The following CIC variants were observed in gnomAD, a reference collection of about 807,000 sequenced individuals.
CIC encodes the protein protein capicua homolog.
Under a neutral mutation model 115.7 loss-of-function variants are expected in CIC, and 18 were observed. The observed-to-expected ratio is 0.16, with a 90% CI of 0.11 to 0.23. The LOEUF is 0.23. Among genes scored for constraint, CIC ranks in the 10% least tolerant of loss-of-function variants. The probability of loss-of-function intolerance (pLI) is 1.00; values close to 1 mark genes in which losing one functional copy is unlikely to be tolerated. For synonymous variants in CIC, 1,076 were observed against 923.0 expected, an observed-to-expected ratio of 1.17 and a Z score of -3.01; for missense variants, 2,000 against 2,159.3, an observed-to-expected ratio of 0.93 and a Z score of 1.46.
chr19:42,289,903 C>G lies in CIC; in HGVS notation c.4143C>G (p.Thr1381=), dbSNP rs201788031. 7.5e-6 allele frequency: 12 copies of G among 1,610,276 alleles called. No individual in the cohort carries two copies. Among genetic ancestry groups the G allele is most frequent in the Non-Finnish European group, 1.0e-5 (12 of 1,178,552 alleles). The change falls in exon 10 of 21, where the codon ACC becomes ACG. Residue 1381 remains threonine, a synonymous_variant. Transcript: ENST00000681038. The stretch of plus-strand genomic sequence containing the variant: ...ATCTCAAGTGCAAGGAGCGGGTGAC[C>G]GACAGCGAGAGTGGGGACAGCTCTG... ...DIDLKCKERV[T]DSESGDSSGE...
chr19:42,295,188 G>A lies in CIC; in HGVS notation c.7551G>A (p.Arg2517=), dbSNP rs1215048305. ...PPGPSTAATG[R] ...GTCCCTCCACAGCTGCCACAGGCAG[G>A]TGAGGGACCCCTGAGAAGATGCCAG... The change falls in exon 21 of 21, where the codon AGG becomes AGA. Residue 2517 remains arginine (R), a synonymous_variant. Transcript: ENST00000681038. 1 of 1,508,654 alleles carries A rather than the reference G, an allele frequency of 6.6e-7. No individual in the cohort carries two copies. The highest frequency in any genetic ancestry group is 8.9e-7 in the Non-Finnish European group (1 of 1,128,570). 93.5% of individuals were successfully genotyped at this position (1,508,654 alleles called of 1,614,324 possible).
chr19:42,286,756 G>A lies in CIC; in HGVS notation c.2795-15G>A, dbSNP rs2037678287. On this transcript the variant is annotated splice_polypyrimidine_tract_variant and intron_variant, in intron 2 of 20. Transcript: ENST00000681038. ...GGCTCTCCTGCTGCACAGCTCACCT[G>A]GCTCCTTTCCACAGTGTGGACGAAT... 1 of 1,613,746 alleles carries A rather than the reference G, an allele frequency of 6.2e-7. No homozygotes were observed. The highest frequency in any genetic ancestry group is 1.3e-5 in the African/African-American group (1 of 74,866).
In CIC at chr19:42,294,722, C is replaced by T. The variant is rs2147351400; in HGVS notation, c.7173C>T (p.Gly2391=). The T allele has an allele frequency of 6.2e-7, 1 of 1,613,538 alleles. No individual in the cohort carries two copies. Among genetic ancestry groups the T allele is most frequent in the Non-Finnish European group, 8.5e-7 (1 of 1,180,020 alleles). ...TCATGCAGCTCTTTCAGGACCATGGCTTCTTCCCGTCAGGTGAGCCTGTCT... is the reference window on the plus strand; with the variant it reads ...TCATGCAGCTCTTTCAGGACCATGGTTTCTTCCCGTCAGGTGAGCCTGTCT... ...ALVMQLFQDH[G]FFPSAQATAA... is the part of the protein sequence containing the mutation. The change falls in exon 20 of 21, where the codon GGC becomes GGT. Residue 2391 remains glycine (G), a synonymous_variant. Transcript: ENST00000681038.
At position 42,289,391 on chromosome 19, in the gene CIC, G is replaced by A; in HGVS notation, c.4072G>A (p.Asp1358Asn). The A allele has an allele frequency of 6.3e-7, 1 of 1,591,000 alleles. No individual in the cohort carries two copies. Among genetic ancestry groups the A allele is most frequent in the Non-Finnish European group, 8.6e-7 (1 of 1,168,544 alleles). The change falls in exon 9 of 21, where the codon GAT (aspartate) becomes AAT (asparagine). Residue 1358 changes from aspartate (D) to asparagine (N), a missense_variant. Physicochemically the swap from Asp to Asn is conservative, Grantham distance 23. Around this residue, in one of 8 missense-constraint regions of CIC, gnomAD observed 1,466 missense variants for 1,390.4 expected, o/e 1.05. Coordinates refer to ENST00000681038, the MANE Select transcript of CIC (RefSeq NM_001386298.1). ...ERMVICEEEG[D>N]DDVIADDGFG... ...CATGGTCATCTGTGAGGAGGAAGGG[G>A]ATGATGATGTCATTGGTGAGCATTG... is the stretch of plus-strand genomic sequence containing the variant.
Position 42,272,805 on chromosome 19 carries a change from C to T in CIC, c.1022C>T (p.Pro341Leu). ...VARSSLRLLR[P>L]PWEPETMLRK... The stretch of plus-strand genomic sequence containing the variant: ...CGCTCCAGCCTACGCCTGCTGCGCC[C>T]CCCCTGGGAACCTGAGACCATGCTG... Residue 341 changes from proline to leucine, a missense_variant, in exon 2 of 21, where the codon CCC becomes CTC. By Grantham distance (98) the Pro-to-Leu change is moderately conservative. This residue lies in a region of CIC where 222 missense variants were observed against 247.7 expected (regional missense o/e 0.90). Transcript: ENST00000681038. 5.0e-6 allele frequency: 2 copies of T among 398,938 alleles called. No homozygotes were observed. Among genetic ancestry groups the T allele is most frequent in the Non-Finnish European group, 8.8e-6 (2 of 226,330 alleles). 24.7% of individuals were successfully genotyped at this position (398,938 alleles called of 1,614,324 possible).
In CIC at chr19:42,295,549, G is replaced by C. The variant is rs1361476802; in HGVS notation, c.*358G>C. ...CGCCTGTGGAATAGGGGGAGTTCAT[G>C]CACCCCTTTTTTCCCCAGAGGGGCT... is the stretch of plus-strand genomic sequence containing the variant. On this transcript the variant is annotated 3_prime_UTR_variant, in exon 21 of 21. Coordinates refer to ENST00000681038, the MANE Select transcript of CIC (RefSeq NM_001386298.1). 1 of 269,662 alleles carries C rather than the reference G, an allele frequency of 3.7e-6. No homozygotes were observed. The highest frequency in any genetic ancestry group is 7.1e-6 in the Non-Finnish European group (1 of 141,396). 16.7% of individuals were successfully genotyped at this position (269,662 alleles called of 1,614,324 possible).
At chr19:42,277,654 G>A (rs2037037422) in intron 2 of CIC, among the ~76,000 whole-genome samples, 1 of 152,240 alleles carries the variant, frequency 6.6e-6, no homozygotes, top group South Asian at 2.1e-4. Context: ...GCCTAACCCC[G>A]GGCTTGGGGC....
In CIC at chr19:42,290,831, C is replaced by T. The variant is rs2038038804; in HGVS notation, c.4790C>T (p.Ser1597Phe). The T allele has an allele frequency of 6.2e-7, 1 of 1,609,608 alleles. No individual in the cohort carries two copies. Among genetic ancestry groups the T allele is most frequent in the Non-Finnish European group, 8.5e-7 (1 of 1,178,282 alleles). ...PVSSTPVPIA[S>F]KPFPTSGRAE... ...AGCAGCACTCCTGTGCCCATCGCCT[C>T]TAAGCCCTTCCCCACCTCTGGCCGG... The change falls in exon 11 of 21, where the codon TCT becomes TTT. Residue 1597 changes from serine to phenylalanine, a missense_variant. Ser to Phe is a radical substitution (Grantham distance 155). Around this residue, in one of 8 missense-constraint regions of CIC, gnomAD observed 1,466 missense variants for 1,390.4 expected, o/e 1.05. Transcript: ENST00000681038.
intron 9 of CIC, 99 bp from the exon 10 acceptor site, chr19:42,289,749 G>C (rs192214474): frequency 9.1e-7 from 1 of 1,096,958 alleles, no homozygotes; most frequent in African/African-American, 1.6e-5. Flanking sequence ...AGCACTCCCT[G>C]CCGGTTTGGA....
intron 2 of CIC, among the ~76,000 whole-genome samples, chr19:42,281,768 C>T (rs1389339163): frequency 1.3e-5 from 2 of 151,678 alleles, no homozygotes; most frequent in African/African-American, 2.4e-5. Context: ...CTTGGTTGTA[C>T]CCTGCCCCGG....
chr19:42,289,716 G>C, intron 9 of CIC, 132 bp from the exon 10 acceptor site: 1 of 843,214 alleles, frequency 1.2e-6, no homozygotes. Context: ...ACAGCCCTGG[G>C]CTGAGGAGTA....
Position 42,291,456 on chromosome 19 carries a change from AC to A in CIC, c.5421del (p.Ala1809ProfsTer24). ...TCCTGCAGTCTGTACCCTCCGCCCC[AC>A]CCCCCAAAGGTGAGACCTGGGCCGG... Reference protein sequence around the residue: ...PILQSVPSAPPPKAQSVSPVQ... With the variant: ...PILQSVPSAPXPKAQSVSPVQ... On this transcript the variant is annotated frameshift_variant, in exon 11 of 21. Coordinates refer to ENST00000681038, the MANE Select transcript of CIC (RefSeq NM_001386298.1). LOFTEE classifies it high-confidence loss of function. 6.2e-7 allele frequency: 1 copy of A among 1,611,966 alleles called. No homozygotes were observed.
chr19:42,294,457 C>G, intron 19 of CIC, 147 bp from the exon 20 acceptor site: 1 of 1,535,420 alleles, frequency 6.5e-7, no homozygotes, highest in Non-Finnish European at 8.9e-7. Flanking sequence ...CTGGCAGGCC[C>G]CTAGGTTGCC....
chr19:42,290,824 A>G lies in CIC; in HGVS notation c.4783A>G (p.Ile1595Val), dbSNP rs1162312511. ...GCCTGTCAGCAGCACTCCTGTGCCC[A>G]TCGCCTCTAAGCCCTTCCCCACCTC... ...VRPVSSTPVP[I>V]ASKPFPTSGR... Residue 1595 changes from isoleucine to valine, a missense_variant, in exon 11 of 21, where the codon ATC (isoleucine) becomes GTC (valine). Physicochemically the swap from Ile to Val is conservative, Grantham distance 29. Transcript: ENST00000681038. 3 of 1,608,972 alleles carry G rather than the reference A, an allele frequency of 1.9e-6. No homozygotes were observed. The highest frequency in any genetic ancestry group is 1.7e-6 in the Non-Finnish European group (2 of 1,178,042).
intron 2 of CIC, among the ~76,000 whole-genome samples, 158 bp from the exon 3 acceptor site, chr19:42,286,613 C>T (rs2037662445): frequency 7.5e-6 from 1 of 133,882 alleles, no homozygotes; most frequent in South Asian, 2.3e-4. Context: ...GGAGTTTTTC[C>T]TGAGTGACGT....
rs1403144181 is a variant in CIC, at chr19:42,288,912, C to T, written c.3683C>T (p.Ala1228Val). The change falls in exon 8 of 21, where the codon GCA (alanine) becomes GTA (valine). Residue 1228 changes from alanine (A) to valine (V), a missense_variant. Physicochemically the swap from Ala to Val is moderately conservative, Grantham distance 64 (BLOSUM62 0). Transcript: ENST00000681038. ...PGVSSELLSV[A>V]AQTLLSSDTK... Reference sequence around the variant, plus strand: ...GTGTCCTCTGAGCTCCTGTCCGTTGCAGCCCAGACACTCCTGAGCTCAGAC... The same window carrying T: ...GTGTCCTCTGAGCTCCTGTCCGTTGTAGCCCAGACACTCCTGAGCTCAGAC... 1 of 1,614,066 alleles carries T rather than the reference C, an allele frequency of 6.2e-7. No homozygotes were observed. The highest frequency in any genetic ancestry group is 8.5e-7 in the Non-Finnish European group (1 of 1,180,028).
At position 42,272,844 on chromosome 19, in the gene CIC, C is replaced by T. The variant is rs2036838528; in HGVS notation, c.1061C>T (p.Thr354Ile). The T allele has an allele frequency of 5.0e-6, 2 of 399,364 alleles. No individual in the cohort carries two copies. Among genetic ancestry groups the T allele is most frequent in the Non-Finnish European group, 8.8e-6 (2 of 226,648 alleles). 24.7% of individuals were successfully genotyped at this position (399,364 alleles called of 1,614,324 possible). The change falls in exon 2 of 21, where the codon ACA becomes ATA. Residue 354 changes from threonine to isoleucine, a missense_variant. This residue lies in a region of CIC where 222 missense variants were observed against 247.7 expected (regional missense o/e 0.90). Coordinates refer to ENST00000681038, the MANE Select transcript of CIC (RefSeq NM_001386298.1). ...EPETMLRKPP[T>I]GPEEEQAEPG... ...GAGACCATGCTGAGGAAGCCCCCTA[C>T]AGGCCCTGAGGAAGAGCAGGCAGAG...
Position 42,287,212 on chromosome 19 carries a change from A to G in CIC, c.3151A>G (p.Ser1051Gly). 6.2e-7 allele frequency: 1 copy of G among 1,613,784 alleles called. No homozygotes were observed. The highest frequency in any genetic ancestry group is 8.5e-7 in the Non-Finnish European group (1 of 1,179,934). Residue 1051 changes from serine to glycine, a missense_variant, in exon 4 of 21, where the codon AGT becomes GGT. Around this residue, in one of 8 missense-constraint regions of CIC, gnomAD observed 222 missense variants for 247.7 expected, o/e 0.90. Transcript: ENST00000681038. The surrounding 1 kb of genome is among the most constrained non-coding windows in gnomAD (Gnocchi z 8.7). ...CCCCCCAGGAGAGCCCCGGCTGGAC[A>G]GTGAGACAGAGAGTGACCATGATGA... ...SGPPGEPRLDSETESDHDDAF... is the reference protein window; with the variant it reads ...SGPPGEPRLDGETESDHDDAF...
At chr19:42,292,899 A>G (rs1480929833) in intron 15 of CIC, 40 bp downstream of exon 15, 1 of 1,613,658 alleles carries the variant, frequency 6.2e-7, no homozygotes, top group East Asian at 2.2e-5. Context: ...GAGTTGGGGG[A>G]CCCAGGGGAT....
Sources: gnomAD v4.1 joint callset for allele counts (sites outside exome capture counted in the v4.1 genomes callset) on GRCh38, gnomAD v4.1.1 for gene constraint, gnomAD v4.1.1 regional missense constraint, Gnocchi (gnomAD v3.1) non-coding constraint, MANE v1.5 for transcripts, NCBI Gene and HGNC (gene_info 2026-07-23, HGNC 2026-07-21) for gene names.